PIEZO1: variants seen among roughly 807,000 people sequenced by gnomAD.
The protein encoded by PIEZO1 is piezo type mechanosensitive ion channel component 1 (Er blood group), also known as piezo-type mechanosensitive ion channel component 1.
In PIEZO1, 296 loss-of-function variants were observed where a neutral mutation model predicts 297.2. The ratio of observed to expected loss-of-function variants is 1.00; its 90% confidence interval spans 0.91 to 1.10. The LOEUF is 1.10. PIEZO1 is among the 50% of genes least tolerant of loss of function. The pLI, the probability that PIEZO1 is intolerant of heterozygous loss-of-function variation, is 0.00. For synonymous variants in PIEZO1, 2,427 were observed against 1,507.5 expected (o/e 1.61, Z -14.13); for missense variants, 5,018 against 3,455.5 (o/e 1.45, Z -11.34).
At chr16:88,749,530 C>T in intron 1 of PIEZO1, 51 bp from the exon 2 acceptor site, 3 of 1,370,152 alleles carry the variant, frequency 2.2e-6, no homozygotes, top group East Asian at 5.2e-5. Context: ...TGGCCAGCCC[C>T]ACCCCAGAGG....
chr16:88,741,706 G>A (rs992505296), intron 4 of PIEZO1, 90 bp from the exon 5 acceptor site: 2 of 930,086 alleles, frequency 2.2e-6, no homozygotes, highest in Admixed American at 2.7e-5. Context: ...GTGGGAGTGT[G>A]GATGGGTCTC....
intron 2 of PIEZO1, among the ~76,000 whole-genome samples, chr16:88,749,081 CAA>C (rs751571390): frequency 5.4e-5 from 8 of 147,932 alleles, no homozygotes; most frequent in South Asian, 4.3e-4. Flanking sequence ...ACTAAAAATA[CAA>C]AAAAAAATAA....
rs1369962342 is a variant in PIEZO1 at position 88,727,122 on chromosome 16, C to A, written c.3372G>T (p.Trp1124Cys). The change falls in exon 24 of 51, where the codon TGG becomes TGT. Residue 1124 changes from tryptophan to cysteine, a missense_variant. Transcript: ENST00000301015. Reference protein sequence around the residue: ...QVFSAERTEEWQRMAGVNTDR... With the variant: ...QVFSAERTEECQRMAGVNTDR... ...CGGTGTTGACGCCAGCCATGCGCTG[C>A]CACTCCTCTGTGCGCTCAGCTGAGA... is the stretch of plus-strand genomic sequence containing the variant. 3.2e-6 allele frequency: 5 copies of A among 1,549,866 alleles called. No homozygotes were observed.
chr16:88,740,127 C>G (rs540313677), intron 5 of PIEZO1: 9 of 152,408 alleles, frequency 5.9e-5, no homozygotes, highest in African/African-American at 1.9e-4. Context: ...GGCCAGCACC[C>G]CTCGGGCTGG....
chr16:88,771,680 G>A (rs534818355), intron 1 of PIEZO1, among the ~76,000 whole-genome samples: 1 of 152,238 alleles, frequency 6.6e-6, no homozygotes, highest in Admixed American at 6.5e-5. Context: ...GTGGGACAAG[G>A]TTGCAGAGGT....
At chr16:88,753,146 C>G (rs1255288794) in intron 1 of PIEZO1, among the ~76,000 whole-genome samples, 4 of 107,458 alleles carry the variant, frequency 3.7e-5, no homozygotes, top group Admixed American at 9.0e-5. Context: ...CCTGCCCCCC[C>G]AGAGCACAAC....
Position 88,715,524 on chromosome 16 carries a change from C to G in PIEZO1, c.*81G>C. ...CGGCCTTGGACGGGGCAGTGGCTCC[C>G]CCGGCCTGAGGAGTGCCGCCCCTTG... On this transcript the variant is annotated 3_prime_UTR_variant, in exon 51 of 51. Transcript: ENST00000301015. 7.1e-7 allele frequency: 1 copy of G among 1,401,284 alleles called. No homozygotes were observed. The highest frequency in any genetic ancestry group is 9.7e-7 in the Non-Finnish European group (1 of 1,034,412). 86.8% of individuals were successfully genotyped at this position (1,401,284 alleles called of 1,614,324 possible).
chr16:88,721,428 G>T lies in PIEZO1; in HGVS notation c.5406C>A (p.Cys1802Ter). The stretch of plus-strand genomic sequence containing the variant: ...CCTCCTCATGGTCCCAGAGGCCATA[G>T]CACTGAGGGGCGGGAGGGTGTGGTG... ...ALFFHRSQLL[C>*]YGLWDHEEDS... The change falls in exon 39 of 51, where the codon TGC becomes TGA. Residue 1802 changes from cysteine (C) to a stop codon, truncating the protein, a stop_gained and splice_region_variant. Coordinates refer to ENST00000301015, the MANE Select transcript of PIEZO1 (RefSeq NM_001142864.4). LOFTEE classifies it high-confidence loss of function. 6.5e-7 allele frequency: 1 copy of T among 1,546,600 alleles called. No individual in the cohort carries two copies. The highest frequency in any genetic ancestry group is 8.7e-7 in the Non-Finnish European group (1 of 1,144,170).
In PIEZO1 at chr16:88,742,033, G is replaced by A; in HGVS notation, c.326+20C>T. ...CCCCAAGGGAGGCTTGCTGGTTGGGGGTGGGAGGAATGGTCTTACCTTGTG... is the reference window on the plus strand; with the variant it reads ...CCCCAAGGGAGGCTTGCTGGTTGGGAGTGGGAGGAATGGTCTTACCTTGTG... On this transcript the variant is annotated intron_variant, in intron 4 of 50. Coordinates refer to ENST00000301015, the MANE Select transcript of PIEZO1 (RefSeq NM_001142864.4). 1.3e-6 allele frequency: 2 copies of A among 1,535,636 alleles called. No individual in the cohort carries two copies. The highest frequency in any genetic ancestry group is 2.4e-5 in the East Asian group (1 of 40,916).
intron 2 of PIEZO1, chr16:88,743,161 C>T (rs1248617070): frequency 4.4e-6 from 2 of 455,678 alleles, no homozygotes; most frequent in Non-Finnish European, 8.8e-6. Flanking sequence ...CTCAGCCCCC[C>T]AGCAGGGAGG....
intron 10 of PIEZO1, 37 bp downstream of exon 10, chr16:88,737,522 C>CCCGCA: frequency 1.4e-6 from 2 of 1,436,882 alleles, no homozygotes; most frequent in Non-Finnish European, 1.9e-6. Flanking sequence ...GCCCCGCCCC[C>CCCGCA]CGCACCCAGC....
At chr16:88,769,723 T>G (rs557994726) in intron 1 of PIEZO1, among the ~76,000 whole-genome samples, 30 of 149,922 alleles carry the variant, frequency 2.0e-4, no homozygotes, top group Admixed American at 1.7e-3. Context: ...CTGAGCCAGG[T>G]CTGGGGCTGA....
chr16:88,776,971 TTTC>T lies in PIEZO1; in HGVS notation c.64+7927_64+7929del, dbSNP rs201906007. On this transcript the variant is annotated intron_variant, in intron 1 of 50. Coordinates refer to ENST00000301015, the MANE Select transcript of PIEZO1 (RefSeq NM_001142864.4). ...CTGCACCAGGCTGAAGTGTCAGGAT[TTTC>T]TTCTTCTTCTTTTTTGAGATGGAGT... Among the ~76,000 whole-genome samples, 555 of 152,206 alleles carry T rather than the reference TTTC, an allele frequency of 3.6e-3. 1 individual carries two copies. The highest frequency in any genetic ancestry group is 0.011 in the African/African-American group (475 of 41,528).
At chr16:88,761,745 C>A (rs777630267) in intron 1 of PIEZO1, among the ~76,000 whole-genome samples, 21 of 151,768 alleles carry the variant, frequency 1.4e-4, no homozygotes, top group Non-Finnish European at 2.9e-4. Flanking sequence ...ACCCTCCCCA[C>A]TGCCCTCCGC....
At chr16:88,744,905 G>A (rs1905942467) in intron 2 of PIEZO1, among the ~76,000 whole-genome samples, 1 of 152,008 alleles carries the variant, frequency 6.6e-6, no homozygotes, top group African/African-American at 2.4e-5. Context: ...CGTGCAGAGG[G>A]ATCGAGGCTC....
intron 39 of PIEZO1, 96 bp downstream of exon 39, chr16:88,721,070 C>T (rs1912401500): frequency 3.1e-6 from 4 of 1,275,944 alleles, no homozygotes; most frequent in South Asian, 3.1e-5. Context: ...GGGCCTCGCA[C>T]TGGGCTTGGC....
At position 88,725,468 on chromosome 16, in the gene PIEZO1, G is replaced by C. The variant is rs758306341; in HGVS notation, c.4110C>G (p.Asp1370Glu). ...CCAGGGTGTCCTGGGGGCGACTGCG[G>C]TCCACCCGGCCCTGCCTGTGCTTCT... ...KQEKHRQGRVDRSRPQDTLGP... is the reference protein window; with the variant it reads ...KQEKHRQGRVERSRPQDTLGP... Residue 1370 changes from aspartate (D) to glutamate (E), a missense_variant, in exon 29 of 51, where the codon GAC (aspartate) becomes GAG (glutamate). By Grantham distance (45) the Asp-to-Glu change is conservative. Coordinates refer to ENST00000301015, the MANE Select transcript of PIEZO1 (RefSeq NM_001142864.4). 1 of 1,511,980 alleles carries C rather than the reference G, an allele frequency of 6.6e-7. No homozygotes were observed. The highest frequency in any genetic ancestry group is 8.9e-7 in the Non-Finnish European group (1 of 1,126,100). The allele number at this position is 1,511,980 out of a possible 1,614,324, so 93.7% of individuals were successfully genotyped here. A position where few individuals can be genotyped will look rare whatever the true frequency, so the allele number is the denominator to read the frequency against.
chr16:88,743,314 G>A (rs771618192), intron 2 of PIEZO1: 2 of 456,020 alleles, frequency 4.4e-6, no homozygotes, highest in Non-Finnish European at 4.4e-6. Context: ...TGACCCACCG[G>A]GTTCTGAGTC....
At position 88,731,917 on chromosome 16, in the gene PIEZO1, A is replaced by ATGCACTGAGTCTGGGGGGGGGGTGT. The variant is rs1555555036; in HGVS notation, c.2992-8_2992-7insACACCCCCCCCCCAGACTCAGTGCA. 1 of 221,068 alleles carries ATGCACTGAGTCTGGGGGGGGGGTGT rather than the reference A, an allele frequency of 4.5e-6. No homozygotes were observed. 13.7% of individuals were successfully genotyped at this position (221,068 alleles called of 1,614,324 possible). A position where few individuals can be genotyped will look rare whatever the true frequency, so the allele number is the denominator to read the frequency against. On this transcript the variant is annotated splice_polypyrimidine_tract_variant and splice_region_variant and intron_variant, in intron 21 of 50. Coordinates refer to ENST00000301015, the MANE Select transcript of PIEZO1 (RefSeq NM_001142864.4). Reference sequence around the variant, plus strand: ...CGGCCATCAGGAAGCAGATCTGGGGAGGGGAGAGGGCGGGGTGTGGGGATG... The same window carrying ATGCACTGAGTCTGGGGGGGGGGTGT: ...CGGCCATCAGGAAGCAGATCTGGGGATGCACTGAGTCTGGGGGGGGGGTGTGGGGAGAGGGCGGGGTGTGGGGATG...
Sources: allele counts gnomAD v4.1 joint callset (sites outside exome capture counted in the v4.1 genomes callset), GRCh38; gene constraint gnomAD v4.1.1; transcripts MANE v1.5; gene names NCBI Gene and HGNC (gene_info 2026-07-23, HGNC 2026-07-21).